KHDRBS2: variants seen among roughly 807,000 people sequenced by gnomAD.
The protein encoded by KHDRBS2 is KH RNA binding domain containing, signal transduction associated 2.
KHDRBS2 carries 26 observed loss-of-function variants against 44.3 expected under a neutral mutation model. The observed-to-expected ratio is 0.59, with a 90% confidence interval of 0.43 to 0.81. KHDRBS2 has a LOEUF of 0.81. Among genes scored for constraint, KHDRBS2 ranks in the 40% least tolerant of loss-of-function variants. The pLI is 0.00. For synonymous variants in KHDRBS2, 194 were observed against 151.1 expected, an observed-to-expected ratio of 1.28 and a Z score of -2.08; for missense variants, 476 against 433.1, an observed-to-expected ratio of 1.10 and a Z score of -0.88.
chr6:62,255,533 G>A (rs1837230109), intron 1 of KHDRBS2, among the ~76,000 whole-genome samples: 1 of 149,452 alleles, frequency 6.7e-6, no homozygotes, highest in Non-Finnish European at 1.5e-5. Context: ...CAGTTCAAAG[G>A]AAGTAACCAT....
intron 1 of KHDRBS2, among the ~76,000 whole-genome samples, chr6:62,240,738 G>A (rs1418798216): frequency 3.7e-4 from 48 of 128,402 alleles, no homozygotes; most frequent in Non-Finnish European, 2.6e-4. Flanking sequence ...TCATACTAAT[G>A]TCTTTAACTC....
chr6:61,581,575 A>G, the KHDRBS2 span, among the ~76,000 whole-genome samples: 1 of 93,908 alleles, frequency 1.1e-5, no homozygotes. Flanking sequence ...AACAATATAC[A>G]ATACACAATA....
At chr6:61,743,989 A>G (rs1250197511) in intron 6 of KHDRBS2, among the ~76,000 whole-genome samples, 1 of 151,970 alleles carries the variant, frequency 6.6e-6, no homozygotes, top group African/African-American at 2.4e-5. Context: ...ATAGTATTCC[A>G]TGGTGTATAT....
chr6:61,673,342 C>T, the KHDRBS2 span, among the ~76,000 whole-genome samples: 6 of 151,892 alleles, frequency 4.0e-5, no homozygotes, highest in African/African-American at 1.4e-4. Context: ...AAACTAGAAG[C>T]ATTCCCTTTG....
At chr6:61,934,273 T>C (rs1380275496) in intron 4 of KHDRBS2, among the ~76,000 whole-genome samples, 1 of 152,220 alleles carries the variant, frequency 6.6e-6, no homozygotes, top group Non-Finnish European at 1.5e-5. Flanking sequence ...CTCTGTTGTT[T>C]CCCTTGTTGT....
intron 1 of KHDRBS2, among the ~76,000 whole-genome samples, chr6:62,216,183 T>C (rs1829949427): frequency 6.6e-6 from 1 of 151,718 alleles, no homozygotes; most frequent in South Asian, 2.1e-4. Flanking sequence ...ATTTTACATT[T>C]AAATTCCCAA....
chr6:61,567,371 T>G, the KHDRBS2 span, among the ~76,000 whole-genome samples: 1 of 152,196 alleles, frequency 6.6e-6, no homozygotes, highest in African/African-American at 2.4e-5. Context: ...CAAAGATAAA[T>G]GTAAAATACA....
At chr6:61,957,415 G>A (rs750618203) in intron 4 of KHDRBS2, among the ~76,000 whole-genome samples, 1 of 152,168 alleles carries the variant, frequency 6.6e-6, no homozygotes, top group Admixed American at 6.5e-5. Context: ...AAAAGTAAAT[G>A]GGAGAAATAT....
At chr6:61,545,046 G>C in the KHDRBS2 span, among the ~76,000 whole-genome samples, 1 of 151,912 alleles carries the variant, frequency 6.6e-6, no homozygotes, top group African/African-American at 2.4e-5. Context: ...AAACCTGCAC[G>C]TTGGGCACAT....
intron 2 of KHDRBS2, among the ~76,000 whole-genome samples, chr6:62,048,478 T>G (rs1260758441): frequency 6.6e-6 from 1 of 151,900 alleles, no homozygotes; most frequent in South Asian, 2.1e-4. Context: ...GATATTCAAG[T>G]TTGTTAAGCA....
intron 6 of KHDRBS2, among the ~76,000 whole-genome samples, chr6:61,791,783 T>C (rs1784674277): frequency 6.6e-6 from 1 of 151,518 alleles, no homozygotes; most frequent in African/African-American, 2.4e-5. Flanking sequence ...ACTGCTCAGA[T>C]ATTAACATAA....
intron 4 of KHDRBS2, among the ~76,000 whole-genome samples, chr6:61,925,645 C>T (rs1409536645): frequency 2.0e-5 from 3 of 151,198 alleles, no homozygotes; most frequent in Non-Finnish European, 2.9e-5. Context: ...TCGATTAAGC[C>T]TGGGAGGTTG....
At chr6:62,285,773 C>T (rs1315952373) in intron 1 of KHDRBS2, 85 bp downstream of exon 1, 1 of 862,132 alleles carries the variant, frequency 1.2e-6, no homozygotes, top group African/African-American at 1.7e-5. Context: ...GGAGAGGAGT[C>T]CCTCCCCAAC....
chr6:61,888,098 G>A (rs1801238304), intron 6 of KHDRBS2, among the ~76,000 whole-genome samples: 1 of 152,108 alleles, frequency 6.6e-6, no homozygotes, highest in African/African-American at 2.4e-5. Flanking sequence ...GTTTTGGGAT[G>A]TCTGCCAAGC....
At chr6:61,655,402 C>T in the KHDRBS2 span, among the ~76,000 whole-genome samples, 10 of 151,814 alleles carry the variant, frequency 6.6e-5, no homozygotes, top group Non-Finnish European at 1.0e-4. Flanking sequence ...TACAGGTATG[C>T]GCCACCACAT....
intron 1 of KHDRBS2, among the ~76,000 whole-genome samples, chr6:62,208,902 C>A (rs1828518535): frequency 6.6e-6 from 1 of 152,142 alleles, no homozygotes; most frequent in Non-Finnish European, 1.5e-5. Flanking sequence ...CTATTCAGGT[C>A]TTTGTCCATA....
the KHDRBS2 span, among the ~76,000 whole-genome samples, chr6:61,582,707 T>A: frequency 6.6e-6 from 1 of 151,556 alleles, no homozygotes; most frequent in Non-Finnish European, 1.5e-5. Context: ...TTTTTTTTAC[T>A]GCTTTTTGTT....
chr6:61,866,218 A>C (rs529355808), intron 6 of KHDRBS2, among the ~76,000 whole-genome samples: 1 of 152,358 alleles, frequency 6.6e-6, no homozygotes, highest in Non-Finnish European at 1.5e-5. Context: ...CCCTAAGGCA[A>C]ACTTCTACCT....
At chr6:61,968,762 G>A (rs1001337030) in intron 4 of KHDRBS2, among the ~76,000 whole-genome samples, 9 of 152,028 alleles carry the variant, frequency 5.9e-5, no homozygotes, top group East Asian at 3.9e-4. Context: ...TAATATCCTT[G>A]ATGAGGAGGC....
Sources: gnomAD v4.1 joint callset for allele counts (sites outside exome capture counted in the v4.1 genomes callset) on GRCh38, gnomAD v4.1.1 for gene constraint, MANE v1.5 for transcripts, NCBI Gene and HGNC (gene_info 2026-07-23, HGNC 2026-07-21) for gene names.